Variants in LRRFIP1 observed in about 807,000 individuals in gnomAD.
LRRFIP1 encodes the protein LRR binding FLII interacting protein 1, also known as leucine-rich repeat flightless-interacting protein 1.
A neutral mutation model predicts 104.4 loss-of-function variants in LRRFIP1; 62 were observed. The observed-to-expected ratio is 0.59, with a 90% CI of 0.48 to 0.73. The LOEUF (loss-of-function observed/expected upper bound fraction) is 0.73. Ranked by LOEUF, LRRFIP1 falls within the 30% of genes least tolerant of loss-of-function variation. LRRFIP1 has a pLI of 0.00. For missense variants in LRRFIP1, 796 were observed against 824.5 expected, an observed-to-expected ratio of 0.97 and a Z score of 0.42; for synonymous variants, 300 against 299.0, an observed-to-expected ratio of 1.00 and a Z score of -0.03.
At chr2:237,742,621 C>T (rs2057272258) in intron 11 of LRRFIP1, among the ~76,000 whole-genome samples, 1 of 152,224 alleles carries the variant, frequency 6.6e-6, no homozygotes, top group South Asian at 2.1e-4. Flanking sequence ...TAAATTGACT[C>T]CATTTCTGTT....
rs139005700 is a variant in LRRFIP1 at position 237,772,346 on chromosome 2, G to A, written c.1627+148G>A. 631 of 624,472 alleles carry A rather than the reference G, an allele frequency of 1.0e-3. 4 individuals are homozygous for A. The African/African-American group carries it at 0.011, about 11-fold the overall frequency. 38.7% of individuals were successfully genotyped at this position (624,472 alleles called of 1,614,324 possible). A position where few individuals can be genotyped will look rare whatever the true frequency, so the allele number is the denominator to read the frequency against. On this transcript the variant is annotated intron_variant, in intron 21 of 23. Transcript: ENST00000308482. ...CCTTAAAAATAAAAGCACAAGGAGG[G>A]GTAGGTAGACAGAACAATGGTGTTT...
intron 8 of LRRFIP1, 74 bp from the exon 9 acceptor site, chr2:237,733,700 T>C: frequency 7.0e-7 from 1 of 1,422,540 alleles, no homozygotes; most frequent in South Asian, 1.1e-5. Flanking sequence ...GAAACTATCG[T>C]GATGGCCTTT....
At chr2:237,756,760 TG>T (rs763318629) in intron 16 of LRRFIP1, among the ~76,000 whole-genome samples, 19 of 152,202 alleles carry the variant, frequency 1.2e-4, no homozygotes, top group Non-Finnish European at 2.6e-4. Context: ...GACAGAATAA[TG>T]GTCCCCCGAA....
intron 11 of LRRFIP1, among the ~76,000 whole-genome samples, chr2:237,740,061 G>A (rs998937861): frequency 6.6e-6 from 1 of 152,016 alleles, no homozygotes; most frequent in Non-Finnish European, 1.5e-5. Context: ...ACCTTGGGGA[G>A]AAAAAGCAAA....
intron 18 of LRRFIP1, 93 bp downstream of exon 18, chr2:237,758,914 A>G (rs1191245872): frequency 5.3e-6 from 4 of 756,700 alleles, no homozygotes; most frequent in South Asian, 1.7e-5. Context: ...ATGTGTGTAC[A>G]TAATTCATTT....
intron 1 of LRRFIP1, among the ~76,000 whole-genome samples, chr2:237,636,733 C>T (rs930331451): frequency 2.0e-5 from 3 of 152,042 alleles, no homozygotes; most frequent in African/African-American, 7.2e-5. Flanking sequence ...GAGCAAAGGC[C>T]AGGAAGAGAG....
intron 20 of LRRFIP1, among the ~76,000 whole-genome samples, chr2:237,771,466 A>G (rs1158678950): frequency 3.3e-5 from 5 of 151,110 alleles, no homozygotes; most frequent in African/African-American, 9.7e-5. Flanking sequence ...CGGAGAATGC[A>G]GGTAGGTTTC....
At chr2:237,749,983 C>T (rs2058379281) in intron 13 of LRRFIP1, among the ~76,000 whole-genome samples, 1 of 152,178 alleles carries the variant, frequency 6.6e-6, no homozygotes, top group Non-Finnish European at 1.5e-5. Flanking sequence ...GGTGAGGTGA[C>T]TAGACCTGTG....
intron 1 of LRRFIP1, among the ~76,000 whole-genome samples, chr2:237,706,197 A>G (rs1426710217): frequency 6.6e-6 from 1 of 152,010 alleles, no homozygotes; most frequent in African/African-American, 2.4e-5. Context: ...ACACAGTGGG[A>G]GAGGGGTATG....
chr2:237,733,380 T>G (rs896912070), intron 8 of LRRFIP1, among the ~76,000 whole-genome samples: 2 of 152,232 alleles, frequency 1.3e-5, no homozygotes, highest in African/African-American at 4.8e-5. Context: ...TGTGGACATC[T>G]GCGTATTGAA....
At chr2:237,666,775 C>CTTTGTCTCTT (rs1291349584) in intron 1 of LRRFIP1, among the ~76,000 whole-genome samples, 2 of 65,250 alleles carry the variant, frequency 3.1e-5, no homozygotes, top group African/African-American at 9.4e-5. Flanking sequence ...CTCTCTTTCT[C>CTTTGTCTCTT]TCTGTCTCTT....
intron 20 of LRRFIP1, among the ~76,000 whole-genome samples, chr2:237,771,302 CAAAAAAAAA>C (rs61685773): frequency 1.8e-5 from 2 of 109,804 alleles, no homozygotes; most frequent in African/African-American, 3.1e-5. Context: ...TGAAATATTC[CAAAAAAAAA>C]AAAAAAAAAC....
At chr2:237,737,252 TAAG>T (rs1299828401) in intron 10 of LRRFIP1, among the ~76,000 whole-genome samples, 1 of 152,116 alleles carries the variant, frequency 6.6e-6, no homozygotes, top group African/African-American at 2.4e-5. Flanking sequence ...AAAGTGGAAA[TAAG>T]AAGCCCAACA....
At chr2:237,636,841 C>A (rs1248856347) in intron 1 of LRRFIP1, among the ~76,000 whole-genome samples, 1 of 152,202 alleles carries the variant, frequency 6.6e-6, no homozygotes, top group Non-Finnish European at 1.5e-5. Context: ...TGATTTGAAC[C>A]CAGTCTCTTG....
intron 1 of LRRFIP1, among the ~76,000 whole-genome samples, chr2:237,633,098 A>G (rs2082627645): frequency 6.6e-6 from 1 of 152,142 alleles, no homozygotes; most frequent in African/African-American, 2.4e-5. Context: ...GCCCGGCAGG[A>G]CACAGGACTG....
At chr2:237,681,678 C>CTTTTTGTTTTTTTTTTTT (rs2091839790) in intron 1 of LRRFIP1, among the ~76,000 whole-genome samples, 1 of 44,908 alleles carries the variant, frequency 2.2e-5, no homozygotes, top group Non-Finnish European at 4.4e-5. Flanking sequence ...CAGTCCTATT[C>CTTTTTGTTTTTTTTTTTT]TTTTTTTTTT....
chr2:237,728,055 G>A (rs938114953), intron 8 of LRRFIP1, 120 bp downstream of exon 8: 14 of 698,278 alleles, frequency 2.0e-5, no homozygotes, highest in Non-Finnish European at 2.9e-5. Flanking sequence ...TTTTAAAATC[G>A]GTCTGTCTTT....
intron 1 of LRRFIP1, among the ~76,000 whole-genome samples, chr2:237,655,091 T>C (rs970878718): frequency 1.8e-5 from 2 of 111,830 alleles, no homozygotes; most frequent in Non-Finnish European, 4.2e-5. Context: ...GAATACCACG[T>C]GATCTCACTT....
intron 1 of LRRFIP1, chr2:237,692,369 C>T: frequency 7.6e-7 from 1 of 1,313,812 alleles, no homozygotes; most frequent in South Asian, 2.1e-5. Flanking sequence ...GCGGACAGAG[C>T]GCGCGCCCCC....
Sources: allele counts gnomAD v4.1 joint callset (sites outside exome capture counted in the v4.1 genomes callset), GRCh38; gene constraint gnomAD v4.1.1; transcripts MANE v1.5; gene names NCBI Gene and HGNC (gene_info 2026-07-23, HGNC 2026-07-21).